Variants in SUGP1 observed in about 807,000 individuals in gnomAD.
SUGP1 encodes the protein SURP and G-patch domain-containing protein 1.
SUGP1 carries 34 observed loss-of-function variants against 76.5 expected under a neutral mutation model. That is an observed-to-expected ratio of 0.44 (90% CI 0.34 to 0.59). The LOEUF is 0.59. SUGP1 is among the 20% of genes least tolerant of loss of function. SUGP1 has a pLI of 0.01. For missense variants in SUGP1, 752 were observed against 851.7 expected (o/e 0.88, Z 1.46); for synonymous variants, 326 against 326.2 (o/e 1.00, Z 0.01).
At chr19:19,283,562 C>T (rs1445740239) in intron 8 of SUGP1, among the ~76,000 whole-genome samples, 1 of 152,198 alleles carries the variant, frequency 6.6e-6, no homozygotes, top group Admixed American at 6.5e-5. Flanking sequence ...TCAAGAGATT[C>T]TCCTGCCTCA....
chr19:19,297,400 A>ATTCTGGTCAGGAGCAGTTCTGGCC, intron 7 of SUGP1, 56 bp from the exon 8 acceptor site: 5 of 1,349,532 alleles, frequency 3.7e-6, no homozygotes, highest in Non-Finnish European at 5.0e-6. Context: ...CCTGTCCCTG[A>ATTCTGGTCAGGAGCAGTTCTGGCC]TTCTGGGCAG....
At chr19:19,289,013 T>A (rs959950501) in intron 8 of SUGP1, among the ~76,000 whole-genome samples, 1 of 151,862 alleles carries the variant, frequency 6.6e-6, no homozygotes, top group African/African-American at 2.4e-5. Context: ...CTCGGACTCC[T>A]GACCTTGTGA....
intron 4 of SUGP1, among the ~76,000 whole-genome samples, chr19:19,305,008 AC>A (rs2061305571): frequency 6.6e-6 from 1 of 152,048 alleles, no homozygotes; most frequent in Admixed American, 6.6e-5. Flanking sequence ...GATGGCCAAT[AC>A]CCCTTGTAAT....
chr19:19,284,141 T>G (rs1044312494), intron 8 of SUGP1, among the ~76,000 whole-genome samples: 8 of 152,060 alleles, frequency 5.3e-5, no homozygotes, highest in Non-Finnish European at 1.5e-5. Context: ...ACATCATGGG[T>G]CCCATAAAAA....
At chr19:19,291,889 T>TCACACACACA (rs541521385) in intron 8 of SUGP1, among the ~76,000 whole-genome samples, 1,684 of 128,656 alleles carry the variant, frequency 0.013, 26 homozygotes, top group Admixed American at 0.016. Context: ...TGAGACTCTG[T>TCACACACACA]CACACACACA....
chr19:19,296,653 A>T (rs1424578986), intron 8 of SUGP1, among the ~76,000 whole-genome samples: 1 of 150,506 alleles, frequency 6.6e-6, no homozygotes, highest in African/African-American at 2.4e-5. Context: ...TCTCAAAAAA[A>T]AAAAGAAAAA....
At chr19:19,306,883 C>A (rs2061321878) in intron 3 of SUGP1, among the ~76,000 whole-genome samples, 1 of 152,154 alleles carries the variant, frequency 6.6e-6, no homozygotes, top group Non-Finnish European at 1.5e-5. Context: ...GCAGAAGCAC[C>A]CACAGCAAGG....
chr19:19,303,294 G>GCA, intron 6 of SUGP1, 54 bp downstream of exon 6: 2 of 1,483,972 alleles, frequency 1.3e-6, no homozygotes, highest in Non-Finnish European at 1.9e-6. Context: ...CCGCATTGGG[G>GCA]CACGGTATGT....
At chr19:19,280,084 G>T in intron 9 of SUGP1, 101 bp downstream of exon 9, 2 of 1,157,886 alleles carry the variant, frequency 1.7e-6, no homozygotes, top group Non-Finnish European at 2.5e-6. Flanking sequence ...ACAGGAGCTT[G>T]GCGAAGCACA....
At chr19:19,281,773 A>C (rs2061100851) in intron 8 of SUGP1, among the ~76,000 whole-genome samples, 1 of 152,190 alleles carries the variant, frequency 6.6e-6, no homozygotes, top group South Asian at 2.1e-4. Context: ...ACCATATGAC[A>C]TGAGATAGTG....
At chr19:19,280,115 A>AC (rs2061086248) in intron 9 of SUGP1, 70 bp downstream of exon 9, 2 of 1,439,850 alleles carry the variant, frequency 1.4e-6, no homozygotes, top group African/African-American at 1.4e-5. Context: ...TGACCGCTGC[A>AC]CCCGGGGGTA....
chr19:19,317,082 G>A (rs957319528), intron 1 of SUGP1, among the ~76,000 whole-genome samples: 2 of 151,102 alleles, frequency 1.3e-5, no homozygotes, highest in Non-Finnish European at 2.9e-5. Flanking sequence ...AGGTTGCAGT[G>A]AGCCGAGATG....
rs762939775 is a variant in SUGP1, at chr19:19,277,887, G to A, written c.1636-8C>T. On this transcript the variant is annotated splice_region_variant and splice_polypyrimidine_tract_variant and intron_variant, in intron 11 of 13. Coordinates refer to ENST00000247001, the MANE Select transcript of SUGP1 (RefSeq NM_172231.4). ...GTCAGGCTCACGGCCCTCCTGCAAG[G>A]TGAGGAGGTAGCTGTCACCCACCAG... The A allele has an allele frequency of 2.5e-6, 4 of 1,613,172 alleles. No individual in the cohort carries two copies. The highest frequency in any genetic ancestry group is 2.5e-6 in the Non-Finnish European group (3 of 1,179,538).
chr19:19,317,176 C>G (rs543113117), intron 1 of SUGP1, among the ~76,000 whole-genome samples: 1 of 151,202 alleles, frequency 6.6e-6, no homozygotes, highest in East Asian at 1.9e-4. Context: ...GTGGTAAGAG[C>G]TCTGCTGAAA....
rs1005896895 is a variant in SUGP1 at position 19,316,674 on chromosome 19, C to A, written c.35-81G>T. On this transcript the variant is annotated intron_variant, in intron 1 of 13. Coordinates refer to ENST00000247001, the MANE Select transcript of SUGP1 (RefSeq NM_172231.4). ...GAAGCTGTGACAGGCCAGAGAGCAA[C>A]TGATGTTCAGATTAATTTATATGTC... 8.9e-6 allele frequency: 13 copies of A among 1,468,642 alleles called. No individual in the cohort carries two copies. The Middle Eastern group carries it at 1.3e-3, about 141-fold the overall frequency. 91.0% of individuals were successfully genotyped at this position (1,468,642 alleles called of 1,614,324 possible). A position where few individuals can be genotyped will look rare whatever the true frequency, so the allele number is the denominator to read the frequency against.
chr19:19,303,776 G>A lies in SUGP1; in HGVS notation c.610C>T (p.Pro204Ser), dbSNP rs1373146617. ...KLARFVAEGG[P>S]ELEKVAMEDY... ...TCCATAGCTACTTTTTCTAACTCGGGGCCTCCTTCTGCCACAAAGCGGGCC... is the reference window on the plus strand; with the variant it reads ...TCCATAGCTACTTTTTCTAACTCGGAGCCTCCTTCTGCCACAAAGCGGGCC... The change falls in exon 5 of 14, where the codon CCC (proline) becomes TCC (serine). Residue 204 changes from proline to serine, a missense_variant. Around this residue, in one of 2 missense-constraint regions of SUGP1, gnomAD observed 620 missense variants for 617.3 expected, o/e 1.00. Transcript: ENST00000247001. 4.3e-6 allele frequency: 7 copies of A among 1,614,000 alleles called. No homozygotes were observed. The highest frequency in any genetic ancestry group is 3.4e-6 in the Non-Finnish European group (4 of 1,180,038).
chr19:19,287,043 G>A (rs2061145983), intron 8 of SUGP1, among the ~76,000 whole-genome samples: 1 of 152,242 alleles, frequency 6.6e-6, no homozygotes, highest in Non-Finnish European at 1.5e-5. Context: ...GGAAGGCTGA[G>A]GCAGATGGAT....
At chr19:19,312,878 T>C (rs2061362472) in intron 2 of SUGP1, among the ~76,000 whole-genome samples, 1 of 151,228 alleles carries the variant, frequency 6.6e-6, no homozygotes, top group African/African-American at 2.4e-5. Context: ...CAGTCCCAGC[T>C]ACTCAGGAGG....
chr19:19,298,448 A>G lies in SUGP1; in HGVS notation c.888-1104T>C, dbSNP rs374908815. The stretch of plus-strand genomic sequence containing the variant: ...GGGAGGCGGAGGTTGCAGTGAGCCA[A>G]GACTGGGCCACTGCACTCCAGCCTG... On this transcript the variant is annotated intron_variant, in intron 7 of 13. Coordinates refer to ENST00000247001, the MANE Select transcript of SUGP1 (RefSeq NM_172231.4). 4.3e-4 allele frequency among the ~76,000 whole-genome samples: 66 copies of G among 152,350 alleles called. No individual in the cohort carries two copies. The East Asian group carries it at 8.3e-3, about 19-fold the overall frequency.
Sources: gnomAD v4.1 joint callset for allele counts (sites outside exome capture counted in the v4.1 genomes callset) on GRCh38, gnomAD v4.1.1 for gene constraint, gnomAD v4.1.1 regional missense constraint, MANE v1.5 for transcripts, NCBI Gene and HGNC (gene_info 2026-07-23, HGNC 2026-07-21) for gene names.